KAT6B: variants seen among roughly 807,000 people sequenced by gnomAD.
KAT6B encodes the protein histone acetyltransferase KAT6B.
In KAT6B, 10 loss-of-function variants were observed where a neutral mutation model predicts 187.5. The observed-to-expected ratio is 0.05, with a 90% confidence interval of 0.03 to 0.09. KAT6B has a LOEUF of 0.09. KAT6B is among the 10% of genes least tolerant of loss of function. The pLI is 1.00. For missense variants in KAT6B, 1,952 were observed against 2,558.9 expected (o/e 0.76, Z 5.12); for synonymous variants, 861 against 926.8 (o/e 0.93, Z 1.29).
intron 3 of KAT6B, among the ~76,000 whole-genome samples, chr10:74,883,311 CA>C (rs1364938294): frequency 1.3e-5 from 2 of 152,118 alleles, no homozygotes; most frequent in Non-Finnish European, 2.9e-5. Context: ...GGAGAAGATA[CA>C]GTTTGATTTC....
In KAT6B at chr10:75,028,543, A is replaced by G; in HGVS notation, c.3719A>G (p.Glu1240Gly). 1 of 1,614,236 alleles carries G rather than the reference A, an allele frequency of 6.2e-7. No individual in the cohort carries two copies. The highest frequency in any genetic ancestry group is 8.5e-7 in the Non-Finnish European group (1 of 1,180,048). ...AAAGAAGGCAGTAAAGACAATCCCG[A>G]ACCTCTAAAGTGCAAACAAGTGTGG... is the stretch of plus-strand genomic sequence containing the variant. ...NLKEGSKDNP[E>G]PLKCKQVWPK... The change falls in exon 18 of 18, where the codon GAA becomes GGA. Residue 1240 changes from glutamate to glycine, a missense_variant. Physicochemically the swap from Glu to Gly is moderately conservative, Grantham distance 98. This residue lies in a region of KAT6B where 758 missense variants were observed against 891.4 expected (regional missense o/e 0.85). Coordinates refer to ENST00000287239, the MANE Select transcript of KAT6B (RefSeq NM_012330.4).
At chr10:74,866,106 C>A (rs1361957228) in intron 3 of KAT6B, among the ~76,000 whole-genome samples, 1 of 151,950 alleles carries the variant, frequency 6.6e-6, no homozygotes, top group South Asian at 2.1e-4. Context: ...GAACTGATCC[C>A]TCATGTATAA....
At chr10:74,856,617 G>A (rs2132239642) in intron 3 of KAT6B, among the ~76,000 whole-genome samples, 1 of 152,248 alleles carries the variant, frequency 6.6e-6, no homozygotes, top group East Asian at 1.9e-4. Flanking sequence ...GCGTGTGGGG[G>A]TCTGGGAGTG....
At chr10:74,983,766 A>G (rs1842660959) in intron 11 of KAT6B, 1 of 152,226 alleles carries the variant, frequency 6.6e-6, no homozygotes, top group Non-Finnish European at 1.5e-5. Flanking sequence ...AGAAGCATGT[A>G]TGTAAAATTC....
intron 7 of KAT6B, among the ~76,000 whole-genome samples, chr10:74,974,289 A>G (rs1006500987): frequency 6.6e-6 from 1 of 152,226 alleles, no homozygotes; most frequent in Admixed American, 6.5e-5. Flanking sequence ...AAATCTGGTC[A>G]TTAAATCTTT....
intron 3 of KAT6B, among the ~76,000 whole-genome samples, chr10:74,936,690 G>GTAATATTGGA: frequency 6.6e-6 from 1 of 152,306 alleles, no homozygotes; most frequent in South Asian, 2.1e-4. Context: ...GTGTATGTGT[G>GTAATATTGGA]TAATATTGGA....
chr10:74,993,915 C>T (rs1049981244), intron 13 of KAT6B, among the ~76,000 whole-genome samples: 1 of 152,122 alleles, frequency 6.6e-6, no homozygotes, highest in Non-Finnish European at 1.5e-5. Context: ...ATACATTTGT[C>T]TCATCACTGG....
chr10:74,842,771 T>C lies in KAT6B; in HGVS notation c.-87T>C. ...AATACTCTGTCCATTTGTTGAATTG[T>C]AAATGACTTTCAAATGTGCAAGTTC... On this transcript the variant is annotated 5_prime_UTR_variant, in exon 3 of 18. An upstream open reading frame in the 5' UTR loses its in-frame stop. Transcript: ENST00000287239. 1 of 1,418,274 alleles carries C rather than the reference T, an allele frequency of 7.1e-7. No individual in the cohort carries two copies. The highest frequency in any genetic ancestry group is 1.1e-5 in the South Asian group (1 of 87,312). The allele number at this position is 1,418,274 out of a possible 1,614,324, so 87.9% of individuals were successfully genotyped here. A position where few individuals can be genotyped will look rare whatever the true frequency, so the allele number is the denominator to read the frequency against.
At chr10:75,001,607 A>G (rs1479665944) in intron 13 of KAT6B, among the ~76,000 whole-genome samples, 1 of 152,196 alleles carries the variant, frequency 6.6e-6, no homozygotes, top group Non-Finnish European at 1.5e-5. Flanking sequence ...AGCTACTACT[A>G]GTTTTCACAG....
chr10:74,966,040 A>G (rs2133598504), intron 4 of KAT6B, among the ~76,000 whole-genome samples: 1 of 151,768 alleles, frequency 6.6e-6, no homozygotes, highest in East Asian at 1.9e-4. Flanking sequence ...CATCTGGGTT[A>G]TTGGCAGAAT....
chr10:74,861,091 G>A (rs1160919416), intron 3 of KAT6B, among the ~76,000 whole-genome samples: 1 of 151,622 alleles, frequency 6.6e-6, no homozygotes, highest in African/African-American at 2.4e-5. Flanking sequence ...AGCTGAGATC[G>A]TGCCATTGCA....
intron 3 of KAT6B, among the ~76,000 whole-genome samples, chr10:74,898,582 A>C (rs560098253): frequency 7.2e-5 from 11 of 152,174 alleles, no homozygotes; most frequent in African/African-American, 2.4e-4. Flanking sequence ...TGTGGGCGTT[A>C]GTCTCATGCA....
chr10:74,923,837 A>C (rs1848309207), intron 3 of KAT6B, among the ~76,000 whole-genome samples: 1 of 152,206 alleles, frequency 6.6e-6, no homozygotes, highest in South Asian at 2.1e-4. Flanking sequence ...ATTTGACTTA[A>C]CGTTTTAACA....
At position 74,830,253 on chromosome 10, in the gene KAT6B, A is replaced by G. The variant is rs186603436; in HGVS notation, c.-329+3468A>G. On this transcript the variant is annotated intron_variant, in intron 1 of 17. Transcript: ENST00000287239. ...TCTTCTCGCAGACCCCAGAAAGAGAATACACCAATTTTCGTATCATCTATT... is the reference window on the plus strand; with the variant it reads ...TCTTCTCGCAGACCCCAGAAAGAGAGTACACCAATTTTCGTATCATCTATT... Among the ~76,000 whole-genome samples the G allele has an allele frequency of 5.3e-5, 8 of 152,226 alleles. No homozygotes were observed. The East Asian group carries it at 1.4e-3, about 26-fold the overall frequency.
intron 3 of KAT6B, among the ~76,000 whole-genome samples, chr10:74,951,571 T>TA (rs1388061145): frequency 1.3e-5 from 2 of 152,212 alleles, no homozygotes; most frequent in African/African-American, 2.4e-5. Context: ...TAGTGACTAT[T>TA]ACAACCTATA....
chr10:74,900,455 G>C (rs139632870), intron 3 of KAT6B, among the ~76,000 whole-genome samples: 127 of 152,290 alleles, frequency 8.3e-4, no homozygotes, highest in African/African-American at 2.9e-3. Flanking sequence ...TTGCTTGTTG[G>C]CTGTCTTGTT....
At chr10:74,888,829 G>GT (rs1845464095) in intron 3 of KAT6B, among the ~76,000 whole-genome samples, 1 of 152,218 alleles carries the variant, frequency 6.6e-6, no homozygotes, top group African/African-American at 2.4e-5. Flanking sequence ...TAAAAAGTGT[G>GT]TAAGAGTGTG....
intron 9 of KAT6B, among the ~76,000 whole-genome samples, chr10:74,978,786 C>T (rs780463981): frequency 1.3e-5 from 2 of 152,280 alleles, no homozygotes; most frequent in South Asian, 2.1e-4. Flanking sequence ...AATACTACTT[C>T]GTGGAGGAAT....
In KAT6B at chr10:74,944,662, A is replaced by T. The variant is rs1849971269; in HGVS notation, c.622-15308A>T. On this transcript the variant is annotated intron_variant, in intron 3 of 17. Coordinates refer to ENST00000287239, the MANE Select transcript of KAT6B (RefSeq NM_012330.4). ...GTCTCTACTAAATATACAAAAAATTAGCCGGGCGTAGTGGCAGGCGCCTGT... is the reference window on the plus strand; with the variant it reads ...GTCTCTACTAAATATACAAAAAATTTGCCGGGCGTAGTGGCAGGCGCCTGT... Among the ~76,000 whole-genome samples, 5 of 152,176 alleles carry T rather than the reference A, an allele frequency of 3.3e-5. No individual in the cohort carries two copies. The South Asian group carries it at 1.0e-3, about 32-fold the overall frequency.
Sources: gnomAD v4.1 joint callset for allele counts (sites outside exome capture counted in the v4.1 genomes callset) on GRCh38, gnomAD v4.1.1 for gene constraint, gnomAD v4.1.1 regional missense constraint, MANE v1.5 for transcripts, NCBI Gene and HGNC (gene_info 2026-07-23, HGNC 2026-07-21) for gene names.